The following ARRB2 variants were observed in gnomAD, a reference collection of about 807,000 sequenced individuals.
ARRB2 encodes beta-arrestin-2.
A neutral mutation model predicts 53.4 loss-of-function variants in ARRB2; 21 were observed. That is an observed-to-expected ratio of 0.39 (90% CI 0.28 to 0.57). The LOEUF is 0.57. Ranked by LOEUF, ARRB2 falls within the 20% of genes least tolerant of loss-of-function variation. The pLI is 0.55. For synonymous variants in ARRB2, 180 were observed against 212.9 expected (o/e 0.85, Z 1.34); for missense variants, 369 against 527.5 (o/e 0.70, Z 2.94).
rs750193245 is a variant in ARRB2 at position 4,718,254 on chromosome 17, C to T, written c.622-7C>T. The stretch of plus-strand genomic sequence containing the variant: ...TTCCAATTCACATGACCCCCTCCCC[C>T]CAAAAGCTGTACTACCATGGGGAGC... On this transcript the variant is annotated splice_polypyrimidine_tract_variant and splice_region_variant and intron_variant, in intron 8 of 14. Coordinates refer to ENST00000269260, the MANE Select transcript of ARRB2 (RefSeq NM_004313.4). 2 of 1,609,644 alleles carry T rather than the reference C, an allele frequency of 1.2e-6. No homozygotes were observed. The highest frequency in any genetic ancestry group is 1.1e-5 in the South Asian group (1 of 90,204).
At chr17:4,716,711 G>A in intron 5 of ARRB2, 103 bp downstream of exon 5, 1 of 1,471,212 alleles carries the variant, frequency 6.8e-7, no homozygotes, top group Non-Finnish European at 9.0e-7. Context: ...GAAACAGTGA[G>A]GCAGGGACCC....
chr17:4,720,361 G>C lies in ARRB2; in HGVS notation c.1002-32G>C, dbSNP rs528683904. 2.3e-4 allele frequency: 371 copies of C among 1,613,442 alleles called. 1 individual carries two copies. Among genetic ancestry groups the C allele is most frequent in the Middle Eastern group, 2.1e-3 (13 of 6,062 alleles). ...TGGCTCTCTCTAGTCCCATGTCGTC[G>C]TCCTCTTCACGATGCCTCTCCCCTT... On this transcript the variant is annotated intron_variant, in intron 12 of 14. Transcript: ENST00000269260.
At position 4,720,293 on chromosome 17, in the gene ARRB2, G is replaced by T; in HGVS notation, c.995G>T (p.Arg332Leu). 1 of 1,613,916 alleles carries T rather than the reference G, an allele frequency of 6.2e-7. No homozygotes were observed. Among genetic ancestry groups the T allele is most frequent in the South Asian group, 1.1e-5 (1 of 91,078 alleles). Residue 332 changes from arginine (R) to leucine (L), a missense_variant, in exon 12 of 15, where the codon CGA (arginine) becomes CTA (leucine). Coordinates refer to ENST00000269260, the MANE Select transcript of ARRB2 (RefSeq NM_004313.4). ...GTCAAGGTGAAGCTGGTGGTGTCTC[G>T]AGGCGGGTGAGTGTCATGGGGGAGC... Reference protein sequence around the residue: ...YRVKVKLVVSRGGDVSVELPF... With the variant: ...YRVKVKLVVSLGGDVSVELPF...
At chr17:4,716,822 T>A (rs1177010337) in intron 5 of ARRB2, 2 of 842,734 alleles carry the variant, frequency 2.4e-6, no homozygotes, top group East Asian at 5.4e-5. Context: ...TCCCCAGGAG[T>A]CCTTTCTCCA....
chr17:4,710,989 G>C (rs1914336634), intron 1 of ARRB2, among the ~76,000 whole-genome samples: 1 of 152,118 alleles, frequency 6.6e-6, no homozygotes, highest in Non-Finnish European at 1.5e-5. Context: ...TTCTCGCAGG[G>C]ATGTGGGGCC....
chr17:4,712,489 G>C (rs34593112), intron 1 of ARRB2, among the ~76,000 whole-genome samples: 2,233 of 152,356 alleles, frequency 0.015, 58 homozygotes, highest in African/African-American at 0.051. Context: ...CCCAGACACT[G>C]TGGTAACCTG....
chr17:4,720,528 G>T, intron 13 of ARRB2, 56 bp downstream of exon 13: 1 of 1,584,504 alleles, frequency 6.3e-7, no homozygotes, highest in Non-Finnish European at 8.6e-7. Context: ...CAGGGCCAGT[G>T]GAGGAAAACT....
chr17:4,719,248 C>G, intron 10 of ARRB2, 35 bp from the exon 11 acceptor site: 2 of 1,598,140 alleles, frequency 1.3e-6, no homozygotes, highest in Non-Finnish European at 1.7e-6. Flanking sequence ...AGCCCAGCGC[C>G]CCTAAGCATC....
intron 5 of ARRB2, 30 bp downstream of exon 5, chr17:4,716,638 G>GGGGGCT (rs1289926279): frequency 6.5e-7 from 1 of 1,546,784 alleles, no homozygotes; most frequent in Non-Finnish European, 8.7e-7. Flanking sequence ...CTGAGGGCCA[G>GGGGGCT]GGGGCTGGGG....
Position 4,719,318 on chromosome 17 carries a change from T to G in ARRB2, c.815T>G (p.Val272Gly). The G allele has an allele frequency of 6.2e-7, 1 of 1,614,036 alleles. No individual in the cohort carries two copies. Among genetic ancestry groups the G allele is most frequent in the African/African-American group, 1.3e-5 (1 of 75,010 alleles). Residue 272 changes from valine (V) to glycine (G), a missense_variant, in exon 11 of 15, where the codon GTG becomes GGG. By Grantham distance (109) the Val-to-Gly change is moderately radical (BLOSUM62 -3). Coordinates refer to ENST00000269260, the MANE Select transcript of ARRB2 (RefSeq NM_004313.4). The part of the protein sequence containing the change: ...QVSPSSTFCK[V>G]YTITPLLSDN... ...TCTCCCAGCTCCACATTCTGTAAGG[T>G]GTACACCATAACCCCACTGCTCAGC...
At chr17:4,719,685 G>A (rs998492588) in intron 11 of ARRB2, among the ~76,000 whole-genome samples, 6 of 152,106 alleles carry the variant, frequency 3.9e-5, no homozygotes, top group African/African-American at 9.7e-5. Flanking sequence ...AGGACCCAGC[G>A]GAAGTAAGCA....
chr17:4,710,912 G>C (rs34987225), intron 1 of ARRB2, among the ~76,000 whole-genome samples, 168 bp downstream of exon 1: 1,757 of 152,172 alleles, frequency 0.012, 38 homozygotes, highest in African/African-American at 0.039. Context: ...AATGAGGGTG[G>C]GGGGGAAATG....
Position 4,715,993 on chromosome 17 carries a change from G to A in ARRB2, c.75G>A (p.Lys25=). ...CTCAGCTCACCGTGTACTTGGGCAAGCGGGACTTCGTAGATCACCTGGACA... is the reference window on the plus strand; with the variant it reads ...CTCAGCTCACCGTGTACTTGGGCAAACGGGACTTCGTAGATCACCTGGACA... The part of the protein sequence containing the change: ...PNCKLTVYLG[K]RDFVDHLDKV... Residue 25 remains lysine (K), a synonymous_variant, in exon 3 of 15, where the codon AAG becomes AAA. Transcript: ENST00000269260. 6.2e-7 allele frequency: 1 copy of A among 1,614,204 alleles called. No homozygotes were observed. Among genetic ancestry groups the A allele is most frequent in the South Asian group, 1.1e-5 (1 of 91,080 alleles).
At chr17:4,719,190 C>T in intron 10 of ARRB2, 93 bp from the exon 11 acceptor site, 2 of 1,454,004 alleles carry the variant, frequency 1.4e-6, no homozygotes, top group South Asian at 2.7e-5. Flanking sequence ...AAACAAGGGA[C>T]TAGTGAGGGG....
Position 4,721,044 on chromosome 17 carries a change from C to T in ARRB2, c.*5C>T, listed in dbSNP as rs376356334. 6.4e-5 allele frequency: 94 copies of T among 1,463,368 alleles called. No homozygotes were observed. The highest frequency in any genetic ancestry group is 2.0e-4 in the Admixed American group (12 of 59,584). 90.6% of individuals were successfully genotyped at this position (1,463,368 alleles called of 1,614,324 possible). A position where few individuals can be genotyped will look rare whatever the true frequency, so the allele number is the denominator to read the frequency against. ...TATGATGATCAACTCTGCTAGGAAG[C>T]GGGGTGGGAAGAAGGGAGGGGATGG... On this transcript the variant is annotated 3_prime_UTR_variant, in exon 15 of 15. Transcript: ENST00000269260. This position sits in a 1 kb window ranked among gnomAD's most constrained non-coding sequence, Gnocchi z 4.2.
intron 5 of ARRB2, 34 bp downstream of exon 5, chr17:4,716,642 G>T (rs1482316207): frequency 2.0e-5 from 31 of 1,545,956 alleles, no homozygotes; most frequent in African/African-American, 2.7e-5. Context: ...GGGCCAGGGG[G>T]CTGGGGCTGG....
At position 4,717,718 on chromosome 17, in the gene ARRB2, T is replaced by C; in HGVS notation, c.451T>C (p.Cys151Arg). ...CGVDFEIRAF[C>R]AKSLEEKSHK... ...CGTAGACTTTGAGATTCGAGCCTTC[T>C]GTGCTAAATCACTAGAAGAGAAAAG... The change falls in exon 7 of 15, where the codon TGT becomes CGT. Residue 151 changes from cysteine to arginine, a missense_variant. Cys to Arg is a radical substitution (Grantham distance 180, BLOSUM62 -3). Coordinates refer to ENST00000269260, the MANE Select transcript of ARRB2 (RefSeq NM_004313.4). This position sits in a 1 kb window ranked among gnomAD's most constrained non-coding sequence, Gnocchi z 6.0. 6.2e-7 allele frequency: 1 copy of C among 1,614,216 alleles called. No homozygotes were observed. The highest frequency in any genetic ancestry group is 2.2e-5 in the East Asian group (1 of 44,870).
rs988599937 is a variant in ARRB2, at chr17:4,710,667, G to T, written c.-55G>T. The T allele has an allele frequency of 5.0e-6, 2 of 398,526 alleles. No homozygotes were observed. The highest frequency in any genetic ancestry group is 4.4e-5 in the Admixed American group (1 of 22,686). 24.7% of individuals were successfully genotyped at this position (398,526 alleles called of 1,614,324 possible). A position where few individuals can be genotyped will look rare whatever the true frequency, so the allele number is the denominator to read the frequency against. ...GGGGAGGAGCAGGGATCTTGGCAGC[G>T]GGCGAGGAGGCTGCGAGCGAGCCGC... On this transcript the variant is annotated 5_prime_UTR_variant, in exon 1 of 15. Coordinates refer to ENST00000269260, the MANE Select transcript of ARRB2 (RefSeq NM_004313.4).
At chr17:4,716,969 G>C in intron 5 of ARRB2, 1 of 587,234 alleles carries the variant, frequency 1.7e-6, no homozygotes, top group South Asian at 2.0e-5. Flanking sequence ...CGAGTAGCTG[G>C]GATTACAGGC....
Sources: gnomAD v4.1 joint callset for allele counts (sites outside exome capture counted in the v4.1 genomes callset) on GRCh38, gnomAD v4.1.1 for gene constraint, Gnocchi (gnomAD v3.1) non-coding constraint, MANE v1.5 for transcripts, NCBI Gene and HGNC (gene_info 2026-07-23, HGNC 2026-07-21) for gene names.